GIMAP1: variants seen among roughly 807,000 people sequenced by gnomAD.
GIMAP1 encodes the protein GTPase, IMAP family member 1.
For synonymous variants in GIMAP1, 230 were observed against 187.7 expected, an observed-to-expected ratio of 1.23 and a Z score of -1.84; for missense variants, 423 against 411.9, an observed-to-expected ratio of 1.03 and a Z score of -0.23.
In GIMAP1 at chr7:150,720,327, C is replaced by T. The variant is rs867936529; in HGVS notation, c.323C>T (p.Ser108Leu). 3.7e-6 allele frequency: 6 copies of T among 1,613,966 alleles called. No individual in the cohort carries two copies. The highest frequency in any genetic ancestry group is 5.1e-6 in the Non-Finnish European group (6 of 1,179,926). ...GAGAGAGGTCACTGCTACCTGCTCT[C>T]GGCCCCCGGACCCCACGCGCTGCTC... is the stretch of plus-strand genomic sequence containing the variant. ...CEERGHCYLL[S>L]APGPHALLLV... Residue 108 changes from serine to leucine, a missense_variant, in exon 3 of 3, where the codon TCG becomes TTG. Physicochemically the swap from Ser to Leu is moderately radical, Grantham distance 145 (BLOSUM62 -2). Transcript: ENST00000307194. This position sits in a 1 kb window ranked among gnomAD's most constrained non-coding sequence, Gnocchi z 4.5.
In GIMAP1 at chr7:150,721,010, G is replaced by A; in HGVS notation, c.*85G>A. 2 of 1,269,492 alleles carry A rather than the reference G, an allele frequency of 1.6e-6. No homozygotes were observed. Among genetic ancestry groups the A allele is most frequent in the Non-Finnish European group, 2.1e-6 (2 of 956,154 alleles). 78.6% of individuals were successfully genotyped at this position (1,269,492 alleles called of 1,614,324 possible). Reference sequence around the variant, plus strand: ...AAGGGAAAACTTCATTCCAACGGAAGGAATCCTGTAGTTTCAGGCATAGTT... The same window carrying A: ...AAGGGAAAACTTCATTCCAACGGAAAGAATCCTGTAGTTTCAGGCATAGTT... On this transcript the variant is annotated 3_prime_UTR_variant, in exon 3 of 3. Transcript: ENST00000307194.
rs1351846937 is a variant in GIMAP1 at position 150,722,626 on chromosome 7, T to C, written c.*1701T>C. On this transcript the variant is annotated 3_prime_UTR_variant, in exon 3 of 3. Transcript: ENST00000307194. ...CTTGCGCACGAGCCAGTGCTGCTGC[T>C]GGTGTTAGACAACAACTTTTATCAA... is the stretch of plus-strand genomic sequence containing the variant. 6.6e-6 allele frequency: 1 copy of C among 152,290 alleles called. No individual in the cohort carries two copies. The highest frequency in any genetic ancestry group is 2.4e-5 in the African/African-American group (1 of 41,464). The allele number at this position is 152,290 out of a possible 1,614,324, so 9.4% of individuals were successfully genotyped here. A position where few individuals can be genotyped will look rare whatever the true frequency, so the allele number is the denominator to read the frequency against.
At chr7:150,718,494 G>A (rs1248534667) in intron 1 of GIMAP1, among the ~76,000 whole-genome samples, 1 of 152,130 alleles carries the variant, frequency 6.6e-6, no homozygotes, top group African/African-American at 2.4e-5. Flanking sequence ...GAAGGTGGGT[G>A]CCTAAGTCAC....
At position 150,720,542 on chromosome 7, in the gene GIMAP1, G is replaced by A. The variant is rs1030743802; in HGVS notation, c.538G>A (p.Glu180Lys). Residue 180 changes from glutamate (E) to lysine (K), a missense_variant, in exon 3 of 3, where the codon GAG (glutamate) becomes AAG (lysine). Physicochemically the swap from Glu to Lys is moderately conservative, Grantham distance 56. Transcript: ENST00000307194. The surrounding 1 kb of genome is among the most constrained non-coding windows in gnomAD (Gnocchi z 4.5). ...ENRALRELVAECGGRVCAFDN... is the reference protein window; with the variant it reads ...ENRALRELVAKCGGRVCAFDN... ...CCGGGCCTTGCGCGAGCTGGTGGCC[G>A]AGTGCGGGGGCCGGGTCTGTGCCTT... The A allele has an allele frequency of 3.7e-6, 6 of 1,610,660 alleles. No homozygotes were observed. The highest frequency in any genetic ancestry group is 1.3e-5 in the African/African-American group (1 of 74,990).
At position 150,720,389 on chromosome 7, in the gene GIMAP1, C is replaced by G. The variant is rs780369648; in HGVS notation, c.385C>G (p.Gln129Glu). 1 of 1,595,848 alleles carries G rather than the reference C, an allele frequency of 6.3e-7. No homozygotes were observed. Among genetic ancestry groups the G allele is most frequent in the Admixed American group, 1.7e-5 (1 of 58,704 alleles). Residue 129 changes from glutamine to glutamate, a missense_variant, in exon 3 of 3, where the codon CAG (glutamine) becomes GAG (glutamate). Coordinates refer to ENST00000307194, the MANE Select transcript of GIMAP1 (RefSeq NM_130759.4). This position sits in a 1 kb window ranked among gnomAD's most constrained non-coding sequence, Gnocchi z 4.5. ...GTTGGGTCGGTTCACCGCCCAGGACCAGCAGGCGGTGAGGCAGGTGAGGGA... is the reference window on the plus strand; with the variant it reads ...GTTGGGTCGGTTCACCGCCCAGGACGAGCAGGCGGTGAGGCAGGTGAGGGA... ...TQLGRFTAQD[Q>E]QAVRQVRDMF... is the part of the protein sequence containing the mutation.
chr7:150,719,535 T>G (rs2116540217), intron 2 of GIMAP1: 1 of 165,926 alleles, frequency 6.0e-6, no homozygotes, highest in South Asian at 1.9e-4. Flanking sequence ...TTTCACCCCC[T>G]CAACAGGCCT....
Position 150,720,432 on chromosome 7 carries a change from T to A in GIMAP1, c.428T>A (p.Val143Asp). ...RQVRDMFGED[V>D]LKWMVIVFTR... ...GTGAGGGACATGTTCGGGGAGGACG[T>A]CCTAAAATGGATGGTCATCGTCTTC... The change falls in exon 3 of 3, where the codon GTC (valine) becomes GAC (aspartate). Residue 143 changes from valine (V) to aspartate (D), a missense_variant. Coordinates refer to ENST00000307194, the MANE Select transcript of GIMAP1 (RefSeq NM_130759.4). This position sits in a 1 kb window ranked among gnomAD's most constrained non-coding sequence, Gnocchi z 4.5. 1 of 1,574,524 alleles carries A rather than the reference T, an allele frequency of 6.4e-7. No homozygotes were observed. Among genetic ancestry groups the A allele is most frequent in the Non-Finnish European group, 8.6e-7 (1 of 1,158,774 alleles).
rs112330444 is a variant in GIMAP1 at position 150,723,227 on chromosome 7, TC to T, written c.*2303del. ...TACTTTGATTATGATCTTTTTTTTT[TC>T]ATCTTTGTATCCCCGTTATACAACC... On this transcript the variant is annotated 3_prime_UTR_variant, in exon 3 of 3. Transcript: ENST00000307194. The T allele has an allele frequency of 3.9e-5, 6 of 152,332 alleles. No homozygotes were observed. Among genetic ancestry groups the T allele is most frequent in the African/African-American group, 1.2e-4 (5 of 41,592 alleles). The allele number at this position is 152,332 out of a possible 1,614,324, so 9.4% of individuals were successfully genotyped here.
chr7:150,721,134 C>A lies in GIMAP1; in HGVS notation c.*209C>A. The A allele has an allele frequency of 4.5e-6, 2 of 444,814 alleles. No homozygotes were observed. The highest frequency in any genetic ancestry group is 6.7e-5 in the South Asian group (1 of 14,944). The allele number at this position is 444,814 out of a possible 1,614,324, so 27.6% of individuals were successfully genotyped here. A position where few individuals can be genotyped will look rare whatever the true frequency, so the allele number is the denominator to read the frequency against. ...TAACTCATTTTAAATGATGTGTATG[C>A]AGAGTTTTAAAATAAATTCGTCTAA... On this transcript the variant is annotated 3_prime_UTR_variant, in exon 3 of 3. Coordinates refer to ENST00000307194, the MANE Select transcript of GIMAP1 (RefSeq NM_130759.4).
rs1797284347 is a variant in GIMAP1, at chr7:150,720,574, C to A, written c.570C>A (p.Asn190Lys). The A allele has an allele frequency of 6.2e-7, 1 of 1,613,494 alleles. No homozygotes were observed. The highest frequency in any genetic ancestry group is 2.2e-5 in the East Asian group (1 of 44,882). Residue 190 changes from asparagine to lysine, a missense_variant, in exon 3 of 3, where the codon AAC becomes AAA. Asn to Lys is a moderately conservative substitution (Grantham distance 94). Coordinates refer to ENST00000307194, the MANE Select transcript of GIMAP1 (RefSeq NM_130759.4). The surrounding 1 kb of genome is among the most constrained non-coding windows in gnomAD (Gnocchi z 4.5). The stretch of plus-strand genomic sequence containing the variant: ...GGGGCCGGGTCTGTGCCTTTGATAA[C>A]CGGGCCACCGGCCGGGAGCAGGAAG... ...ECGGRVCAFD[N>K]RATGREQEAQ... is the part of the protein sequence containing the mutation.
In GIMAP1 at chr7:150,720,778, C is replaced by T. The variant is rs1324626585; in HGVS notation, c.774C>T (p.Ala258=). 2.5e-6 allele frequency: 4 copies of T among 1,576,340 alleles called. No individual in the cohort carries two copies. The highest frequency in any genetic ancestry group is 3.7e-4 in the Middle Eastern group (2 of 5,452). The stretch of plus-strand genomic sequence containing the variant: ...GGGTGCAGAGGAGGCCATGGGGCGC[C>T]TGGCTGTCGGCCCGGCTGTGGAAGT... The part of the protein sequence containing the change: ...AARVQRRPWG[A]WLSARLWKWL... Residue 258 remains alanine (A), a synonymous_variant, in exon 3 of 3, where the codon GCC becomes GCT. Coordinates refer to ENST00000307194, the MANE Select transcript of GIMAP1 (RefSeq NM_130759.4). This position sits in a 1 kb window ranked among gnomAD's most constrained non-coding sequence, Gnocchi z 4.5.
intron 1 of GIMAP1, among the ~76,000 whole-genome samples, chr7:150,717,436 C>T (rs111663738): frequency 3.3e-5 from 5 of 152,042 alleles, no homozygotes; most frequent in East Asian, 1.9e-4. Flanking sequence ...CACATTTGAG[C>T]GGTGAAGAAC....
Position 150,720,688 on chromosome 7 carries a change from G to T in GIMAP1, c.684G>T (p.Ala228=). The change falls in exon 3 of 3, where the codon GCG becomes GCT. Residue 228 remains alanine (A), a synonymous_variant. Transcript: ENST00000307194. This position sits in a 1 kb window ranked among gnomAD's most constrained non-coding sequence, Gnocchi z 4.5. ...ACTCCAACGAGGTGTATGAGCTGGC[G>T]CAGGTGCTGCGCTGGGCAGGCCCTG... The part of the protein sequence containing the change: ...AHYSNEVYEL[A]QVLRWAGPEE... 1 of 1,592,224 alleles carries T rather than the reference G, an allele frequency of 6.3e-7. No homozygotes were observed. Among genetic ancestry groups the T allele is most frequent in the South Asian group, 1.1e-5 (1 of 88,806 alleles).
In GIMAP1 at chr7:150,723,843, T is replaced by C. The variant is rs1439497643; in HGVS notation, c.*2918T>C. ...TCCTCTCCTTTTATCTCTTGGAAGA[T>C]AAAAATGTATGGGTCCTGTGCTGAT... is the stretch of plus-strand genomic sequence containing the variant. On this transcript the variant is annotated 3_prime_UTR_variant, in exon 3 of 3. Transcript: ENST00000307194. 2 of 152,164 alleles carry C rather than the reference T, an allele frequency of 1.3e-5. No homozygotes were observed. Among genetic ancestry groups the C allele is most frequent in the Non-Finnish European group, 2.9e-5 (2 of 68,032 alleles). The allele number at this position is 152,164 out of a possible 1,614,324, so 9.4% of individuals were successfully genotyped here.
chr7:150,720,534 T>C lies in GIMAP1; in HGVS notation c.530T>C (p.Leu177Pro). 6.2e-7 allele frequency: 1 copy of C among 1,609,192 alleles called. No homozygotes were observed. The highest frequency in any genetic ancestry group is 8.5e-7 in the Non-Finnish European group (1 of 1,177,720). The change falls in exon 3 of 3, where the codon CTG (leucine) becomes CCG (proline). Residue 177 changes from leucine (L) to proline (P), a missense_variant. Physicochemically the swap from Leu to Pro is moderately conservative, Grantham distance 98. Transcript: ENST00000307194. This position sits in a 1 kb window ranked among gnomAD's most constrained non-coding sequence, Gnocchi z 4.5. The part of the protein sequence containing the change: ...SNTENRALRE[L>P]VAECGGRVCA... ...ACAGAGAACCGGGCCTTGCGCGAGC[T>C]GGTGGCCGAGTGCGGGGGCCGGGTC... is the stretch of plus-strand genomic sequence containing the variant.
In GIMAP1 at chr7:150,722,478, A is replaced by C. The variant is rs1195279575; in HGVS notation, c.*1553A>C. On this transcript the variant is annotated 3_prime_UTR_variant, in exon 3 of 3. Coordinates refer to ENST00000307194, the MANE Select transcript of GIMAP1 (RefSeq NM_130759.4). ...CGTGGCTCAAGAAAAACCCATGTTTAATTCCTGCCTTTCGCTTCCTCAGCA... is the reference window on the plus strand; with the variant it reads ...CGTGGCTCAAGAAAAACCCATGTTTCATTCCTGCCTTTCGCTTCCTCAGCA... 6.6e-6 allele frequency: 1 copy of C among 152,388 alleles called. No homozygotes were observed. Among genetic ancestry groups the C allele is most frequent in the Non-Finnish European group, 1.5e-5 (1 of 68,156 alleles). The allele number at this position is 152,388 out of a possible 1,614,324, so 9.4% of individuals were successfully genotyped here. A position where few individuals can be genotyped will look rare whatever the true frequency, so the allele number is the denominator to read the frequency against.
At chr7:150,718,972 CCT>C in intron 1 of GIMAP1, 68 bp from the exon 2 acceptor site, 1 of 484,024 alleles carries the variant, frequency 2.1e-6, no homozygotes, top group African/African-American at 2.4e-4. Flanking sequence ...GGTGGTTATG[CCT>C]ATTTGTGGTT....
rs1184603686 is a variant in GIMAP1, at chr7:150,723,678, T to C, written c.*2753T>C. On this transcript the variant is annotated 3_prime_UTR_variant, in exon 3 of 3. Transcript: ENST00000307194. Reference sequence around the variant, plus strand: ...GATTTGATAGCACAAATCAATTTTATACTTAAATTACAGCATAAAACAGCA... The same window carrying C: ...GATTTGATAGCACAAATCAATTTTACACTTAAATTACAGCATAAAACAGCA... 1 of 152,206 alleles carries C rather than the reference T, an allele frequency of 6.6e-6. No homozygotes were observed. The highest frequency in any genetic ancestry group is 6.5e-5 in the Admixed American group (1 of 15,286). The allele number at this position is 152,206 out of a possible 1,614,324, so 9.4% of individuals were successfully genotyped here.
intron 1 of GIMAP1, among the ~76,000 whole-genome samples, chr7:150,718,336 A>G (rs1029131973): frequency 3.3e-5 from 5 of 152,222 alleles, no homozygotes; most frequent in African/African-American, 1.2e-4. Context: ...TCTCCAGCAC[A>G]GATATCGTAT....
Sources: gnomAD v4.1 joint callset for allele counts (sites outside exome capture counted in the v4.1 genomes callset) on GRCh38, gnomAD v4.1.1 for gene constraint, Gnocchi (gnomAD v3.1) non-coding constraint, MANE v1.5 for transcripts, NCBI Gene and HGNC (gene_info 2026-07-23, HGNC 2026-07-21) for gene names.